GNA14: variants seen among roughly 807,000 people sequenced by gnomAD.
GNA14 encodes guanine nucleotide-binding protein subunit alpha-14.
A neutral mutation model predicts 42.0 loss-of-function variants in GNA14; 50 were observed. The observed-to-expected ratio is 1.19, with a 90% confidence interval of 0.95 to 1.51. The LOEUF (loss-of-function observed/expected upper bound fraction) is 1.51, where lower values mean the gene tolerates loss of function less well. GNA14 is among the 40% of genes most tolerant of loss of function. The pLI is 0.00. For synonymous variants in GNA14, 173 were observed against 163.1 expected, an observed-to-expected ratio of 1.06 and a Z score of -0.46; for missense variants, 473 against 446.2, an observed-to-expected ratio of 1.06 and a Z score of -0.54.
chr9:77,529,702 T>G (rs1315294801), intron 1 of GNA14, among the ~76,000 whole-genome samples: 1 of 152,174 alleles, frequency 6.6e-6, no homozygotes, highest in Non-Finnish European at 1.5e-5. Context: ...GAAAGCACCA[T>G]TTCCCAGAGG....
chr9:77,486,341 C>G (rs563264899), intron 2 of GNA14, among the ~76,000 whole-genome samples: 9 of 152,188 alleles, frequency 5.9e-5, no homozygotes, highest in Non-Finnish European at 1.3e-4. Context: ...AGAGTTAGGG[C>G]CTGGCTCTGG....
chr9:77,431,355 CAA>C lies in GNA14; in HGVS notation c.557_558del (p.Ile186ArgfsTer5), dbSNP rs1564011787. 1.2e-5 allele frequency: 20 copies of C among 1,613,852 alleles called. No individual in the cohort carries two copies. Among genetic ancestry groups the C allele is most frequent in the Non-Finnish European group, 1.4e-5 (17 of 1,179,846 alleles). On this transcript the variant is annotated frameshift_variant, in exon 4 of 7. Coordinates refer to ENST00000341700, the MANE Select transcript of GNA14 (RefSeq NM_004297.4). LOFTEE classifies it high-confidence loss of function. ...ATGTTTTCCAAGTCAAATGGATACT[CAA>C]TGATGCCGGTGGTGGGCACTCGGAC... ...LRVRVPTTGI[I>X]EYPFDLENII... is the part of the protein sequence containing the mutation.
At chr9:77,425,332 G>A (rs1042522699) in intron 6 of GNA14, among the ~76,000 whole-genome samples, 6 of 152,142 alleles carry the variant, frequency 3.9e-5, no homozygotes, top group African/African-American at 9.6e-5. Context: ...TGGAGGCAGC[G>A]AAAGGAGTTG....
intron 1 of GNA14, among the ~76,000 whole-genome samples, chr9:77,640,367 C>T (rs1824238382): frequency 6.6e-6 from 1 of 152,130 alleles, no homozygotes; most frequent in African/African-American, 2.4e-5. Flanking sequence ...TCTGACTTCC[C>T]AATATCATGA....
At chr9:77,445,422 G>A (rs1357201627) in intron 2 of GNA14, among the ~76,000 whole-genome samples, 1 of 106,314 alleles carries the variant, frequency 9.4e-6, no homozygotes, top group African/African-American at 3.7e-5. Context: ...TCTCAGAGAA[G>A]GGTTTTGGGG....
chr9:77,618,988 T>C (rs1012308761), intron 1 of GNA14, among the ~76,000 whole-genome samples: 8 of 152,060 alleles, frequency 5.3e-5, no homozygotes, highest in Admixed American at 4.6e-4. Context: ...TTTTACATAT[T>C]TCATTTTACT....
intron 2 of GNA14, among the ~76,000 whole-genome samples, chr9:77,455,159 C>T (rs1835977521): frequency 6.6e-6 from 1 of 152,192 alleles, no homozygotes; most frequent in South Asian, 2.1e-4. Flanking sequence ...TCCAGGTCCT[C>T]AGGACTGTAG....
intron 1 of GNA14, among the ~76,000 whole-genome samples, chr9:77,611,696 A>T (rs1823736798): frequency 6.6e-6 from 1 of 152,194 alleles, no homozygotes; most frequent in South Asian, 2.1e-4. Flanking sequence ...TCATCAGAGA[A>T]AAAGAAAGAA....
intron 2 of GNA14, among the ~76,000 whole-genome samples, chr9:77,469,281 G>C (rs768681075): frequency 1.4e-4 from 21 of 148,252 alleles, no homozygotes; most frequent in Non-Finnish European, 5.9e-5. Context: ...GGGGTGAAGA[G>C]AGAGAATAAA....
At chr9:77,566,434 C>T (rs1397114142) in intron 1 of GNA14, among the ~76,000 whole-genome samples, 1 of 152,064 alleles carries the variant, frequency 6.6e-6, no homozygotes, top group East Asian at 1.9e-4. Flanking sequence ...GGATTATAGG[C>T]GTGAGCCACT....
chr9:77,507,964 C>T (rs1315335384), intron 2 of GNA14, among the ~76,000 whole-genome samples: 2 of 152,144 alleles, frequency 1.3e-5, no homozygotes, highest in East Asian at 1.9e-4. Context: ...GTGATCCACC[C>T]GCCTCGGCCT....
In GNA14 at chr9:77,444,572, C is replaced by T. The variant is rs551286727; in HGVS notation, c.310-10050G>A. On this transcript the variant is annotated intron_variant, in intron 2 of 6. Transcript: ENST00000341700. ...CTTGCTCTTCCCTGCTTTGCATCCC[C>T]GTTTTCTCCTTAACTGCCAGCCTGC... Among the ~76,000 whole-genome samples, 3 of 152,292 alleles carry T rather than the reference C, an allele frequency of 2.0e-5. No homozygotes were observed. The South Asian group carries it at 6.2e-4, about 32-fold the overall frequency.
chr9:77,645,436 G>T (rs1276771483), intron 1 of GNA14, among the ~76,000 whole-genome samples: 1 of 152,198 alleles, frequency 6.6e-6, no homozygotes, highest in East Asian at 1.9e-4. Flanking sequence ...CAGAGGTTTT[G>T]AAGTCCATCC....
In GNA14 at chr9:77,463,741, A is replaced by G. The variant is rs761404525; in HGVS notation, c.310-29219T>C. On this transcript the variant is annotated intron_variant, in intron 2 of 6. Transcript: ENST00000341700. ...GAATCATGCCAGGTTCAATAGGTCAATACCCCAGGAACCCCCACCAAGGAC... is the reference window on the plus strand; with the variant it reads ...GAATCATGCCAGGTTCAATAGGTCAGTACCCCAGGAACCCCCACCAAGGAC... Among the ~76,000 whole-genome samples, 56 of 151,328 alleles carry G rather than the reference A, an allele frequency of 3.7e-4. 1 individual carries two copies. Among genetic ancestry groups the G allele is most frequent in the Non-Finnish European group, 5.1e-4 (35 of 68,036 alleles).
chr9:77,512,698 T>C (rs955303282), intron 2 of GNA14, among the ~76,000 whole-genome samples: 1 of 152,226 alleles, frequency 6.6e-6, no homozygotes, highest in Non-Finnish European at 1.5e-5. Context: ...ATGCCTGTTA[T>C]AGATTGATAA....
chr9:77,568,552 TAA>T (rs536264540), intron 1 of GNA14, among the ~76,000 whole-genome samples: 158 of 150,134 alleles, frequency 1.1e-3, no homozygotes, highest in African/African-American at 3.3e-3. Context: ...GTTACCCAGG[TAA>T]AAAAGTATAC....
At chr9:77,601,106 G>A (rs1823555373) in intron 1 of GNA14, among the ~76,000 whole-genome samples, 1 of 152,238 alleles carries the variant, frequency 6.6e-6, no homozygotes, top group South Asian at 2.1e-4. Flanking sequence ...GTGTGTGGTG[G>A]CCTGGTATTC....
At position 77,435,646 on chromosome 9, in the gene GNA14, G is replaced by A. The variant is rs149909561; in HGVS notation, c.310-1124C>T. ...TTACTGTAATTATTACTATTACAGC[G>A]GTTACCATTTATTGGCTATGTACTA... On this transcript the variant is annotated intron_variant, in intron 2 of 6. Transcript: ENST00000341700. Among the ~76,000 whole-genome samples, 897 of 152,100 alleles carry A rather than the reference G, an allele frequency of 5.9e-3. 13 individuals are homozygous for A. The highest frequency in any genetic ancestry group is 0.021 in the African/African-American group (854 of 41,486).
chr9:77,624,938 G>A (rs973529371), intron 1 of GNA14, among the ~76,000 whole-genome samples: 2 of 151,850 alleles, frequency 1.3e-5, no homozygotes, highest in Non-Finnish European at 2.9e-5. Flanking sequence ...TTCAGAAGGT[G>A]GGTAATAACA....
Sources: gnomAD v4.1 joint callset for allele counts (sites outside exome capture counted in the v4.1 genomes callset) on GRCh38, gnomAD v4.1.1 for gene constraint, MANE v1.5 for transcripts, NCBI Gene and HGNC (gene_info 2026-07-23, HGNC 2026-07-21) for gene names.